The following COX7B2 variants were observed in gnomAD, a reference collection of about 807,000 sequenced individuals.
The protein encoded by COX7B2 is cytochrome c oxidase subunit 7B2, also known as cytochrome c oxidase subunit 7B2, mitochondrial.
For missense variants in COX7B2, 109 were observed against 95.9 expected (o/e 1.14, Z -0.57); for synonymous variants, 37 against 32.1 (o/e 1.15, Z -0.51).
At chr4:46,903,473 A>T (rs1000828720) in intron 1 of COX7B2, among the ~76,000 whole-genome samples, 54 of 150,458 alleles carry the variant, frequency 3.6e-4, no homozygotes, top group African/African-American at 8.8e-4. Context: ...TTTTTTTTTT[A>T]AATAAATTCA....
chr4:46,776,390 C>CAG (rs1414510940), intron 2 of COX7B2, among the ~76,000 whole-genome samples: 2 of 136,070 alleles, frequency 1.5e-5, no homozygotes, highest in Non-Finnish European at 3.2e-5. Flanking sequence ...AGAGTAGTTT[C>CAG]AGAGTGTGTG....
In COX7B2 at chr4:46,773,985, G is replaced by A. The variant is rs115120956; in HGVS notation, c.-49-38744C>T. Among the ~76,000 whole-genome samples, 1,040 of 152,158 alleles carry A rather than the reference G, an allele frequency of 6.8e-3. 10 individuals carry two copies. Among genetic ancestry groups the A allele is most frequent in the African/African-American group, 0.023 (953 of 41,524 alleles). On this transcript the variant is annotated intron_variant, in intron 2 of 2. Coordinates refer to ENST00000355591, the MANE Select transcript of COX7B2 (RefSeq NM_130902.3). ...TCCATCATTCTCTTTAGGCTGACCT[G>A]AATATTTCCTCTCTGACTCTGATTT...
intron 1 of COX7B2, among the ~76,000 whole-genome samples, chr4:46,875,498 C>T (rs1718265043): frequency 6.6e-6 from 1 of 151,998 alleles, no homozygotes; most frequent in African/African-American, 2.4e-5. Flanking sequence ...CAGTTTTTGC[C>T]ACATCCAATG....
chr4:46,760,673 G>A (rs369472170), intron 2 of COX7B2, among the ~76,000 whole-genome samples: 55 of 152,120 alleles, frequency 3.6e-4, no homozygotes, highest in African/African-American at 1.2e-3. Flanking sequence ...AAACCTGCAC[G>A]TTCTGCACAT....
chr4:46,793,460 G>A (rs1718155480), intron 2 of COX7B2, among the ~76,000 whole-genome samples: 1 of 152,088 alleles, frequency 6.6e-6, no homozygotes, highest in South Asian at 2.1e-4. Flanking sequence ...AGAATGAGAG[G>A]CTTGTCCAAG....
intron 2 of COX7B2, among the ~76,000 whole-genome samples, chr4:46,798,894 C>T (rs1718503129): frequency 6.6e-6 from 1 of 152,176 alleles, no homozygotes; most frequent in Non-Finnish European, 1.5e-5. Flanking sequence ...ACACCAGTGG[C>T]CTCATGACGG....
intron 2 of COX7B2, among the ~76,000 whole-genome samples, chr4:46,806,738 G>A (rs1272668930): frequency 6.6e-6 from 1 of 151,886 alleles, no homozygotes; most frequent in Non-Finnish European, 1.5e-5. Flanking sequence ...TTATCTCTGT[G>A]AATTGAGTTC....
intron 2 of COX7B2, among the ~76,000 whole-genome samples, chr4:46,759,002 C>T (rs995025600): frequency 2.6e-5 from 4 of 152,062 alleles, no homozygotes; most frequent in African/African-American, 9.7e-5. Flanking sequence ...ATTGTGGAAC[C>T]ACAAACTGGC....
intron 2 of COX7B2, among the ~76,000 whole-genome samples, chr4:46,830,764 T>G (rs1297720037): frequency 1.3e-5 from 2 of 152,258 alleles, no homozygotes; most frequent in Non-Finnish European, 2.9e-5. Context: ...CACAGTAGTT[T>G]AGGAACCTTG....
At chr4:46,888,597 C>G (rs915546757) in intron 1 of COX7B2, among the ~76,000 whole-genome samples, 1 of 151,946 alleles carries the variant, frequency 6.6e-6, no homozygotes, top group Non-Finnish European at 1.5e-5. Context: ...GCGCCCACCA[C>G]CATGCCTGGC....
chr4:46,851,019 T>G (rs17640911), intron 1 of COX7B2, among the ~76,000 whole-genome samples: 8,245 of 152,122 alleles, frequency 0.054, 293 homozygotes, highest in South Asian at 0.16. Context: ...AGTGACAGAC[T>G]GTGACAGAGG....
At chr4:46,837,403 T>C (rs1024733996) in intron 2 of COX7B2, among the ~76,000 whole-genome samples, 12 of 151,544 alleles carry the variant, frequency 7.9e-5, no homozygotes, top group African/African-American at 2.9e-4. Context: ...CTAAGTGAAA[T>C]AAGCCAGATG....
chr4:46,810,394 G>A (rs1719228354), intron 2 of COX7B2, among the ~76,000 whole-genome samples: 1 of 151,840 alleles, frequency 6.6e-6, no homozygotes, highest in Non-Finnish European at 1.5e-5. Flanking sequence ...ATAATTTTCT[G>A]TAGTGCTAAC....
chr4:46,908,373 G>C (rs1315284563), intron 1 of COX7B2, among the ~76,000 whole-genome samples: 2 of 152,112 alleles, frequency 1.3e-5, no homozygotes, highest in Non-Finnish European at 2.9e-5. Context: ...GTTTAATAGG[G>C]ATGCCTCAAC....
chr4:46,852,610 G>T (rs1716757246), intron 1 of COX7B2, among the ~76,000 whole-genome samples: 1 of 151,510 alleles, frequency 6.6e-6, no homozygotes, highest in Non-Finnish European at 1.5e-5. Context: ...TTCATTATTT[G>T]CAATTTTATT....
At chr4:46,842,159 G>A (rs1715973069) in intron 2 of COX7B2, among the ~76,000 whole-genome samples, 1 of 151,972 alleles carries the variant, frequency 6.6e-6, no homozygotes, top group African/African-American at 2.4e-5. Flanking sequence ...AACAAGCAAT[G>A]TCTTAATGCA....
intron 2 of COX7B2, among the ~76,000 whole-genome samples, chr4:46,759,199 C>A (rs1715980639): frequency 6.6e-6 from 1 of 151,868 alleles, no homozygotes; most frequent in Non-Finnish European, 1.5e-5. Flanking sequence ...AGCTCATGGA[C>A]AAAAGTACTA....
At chr4:46,745,629 T>G (rs1714978352) in intron 2 of COX7B2, among the ~76,000 whole-genome samples, 1 of 152,194 alleles carries the variant, frequency 6.6e-6, no homozygotes, top group African/African-American at 2.4e-5. Flanking sequence ...TTTTTTTCCT[T>G]CTTGTAGATG....
intron 2 of COX7B2, among the ~76,000 whole-genome samples, chr4:46,823,348 G>A (rs1206137658): frequency 2.6e-5 from 4 of 151,322 alleles, no homozygotes; most frequent in Non-Finnish European, 5.9e-5. Context: ...TATAATGTGT[G>A]TATGTATATC....
Sources: gnomAD v4.1 joint callset for allele counts (sites outside exome capture counted in the v4.1 genomes callset) on GRCh38, gnomAD v4.1.1 for gene constraint, MANE v1.5 for transcripts, NCBI Gene and HGNC (gene_info 2026-07-23, HGNC 2026-07-21) for gene names.